The following C1orf21 variants were observed in gnomAD, a reference collection of about 807,000 sequenced individuals.
C1orf21 encodes the protein uncharacterized protein C1orf21.
A neutral mutation model predicts 18.7 loss-of-function variants in C1orf21; 3 were observed. The observed-to-expected ratio is 0.16, with a 90% CI of 0.07 to 0.42. C1orf21 has a LOEUF of 0.42. C1orf21 is among the 10% of genes least tolerant of loss of function. The pLI, the probability that C1orf21 is intolerant of heterozygous loss-of-function variation, is 0.99. For synonymous variants in C1orf21, 41 were observed against 46.4 expected (o/e 0.88, Z 0.47); for missense variants, 104 against 143.6 (o/e 0.72, Z 1.41).
intron 2 of C1orf21, among the ~76,000 whole-genome samples, chr1:184,488,118 T>C (rs1391974517): frequency 8.5e-5 from 13 of 152,232 alleles, no homozygotes; most frequent in Admixed American, 3.9e-4. Context: ...GTAATACTTA[T>C]CTCTTTTAGA....
At chr1:184,450,986 T>A (rs566627027) in intron 1 of C1orf21, among the ~76,000 whole-genome samples, 6 of 152,338 alleles carry the variant, frequency 3.9e-5, no homozygotes, top group African/African-American at 1.4e-4. Flanking sequence ...CAAGCGATTC[T>A]CCAACCTTAG....
chr1:184,549,693 G>A (rs1658786193), intron 3 of C1orf21, among the ~76,000 whole-genome samples: 1 of 151,822 alleles, frequency 6.6e-6, no homozygotes, highest in South Asian at 2.1e-4. Context: ...CTGCCAACCA[G>A]GCAGTTCTGG....
chr1:184,451,768 A>G (rs1006484413), intron 1 of C1orf21, among the ~76,000 whole-genome samples: 21 of 152,150 alleles, frequency 1.4e-4, no homozygotes, highest in Non-Finnish European at 2.9e-4. Context: ...TTTTCTCCCA[A>G]ATGAGCATAT....
intron 2 of C1orf21, among the ~76,000 whole-genome samples, chr1:184,501,466 A>T (rs533280486): frequency 6.6e-6 from 1 of 152,150 alleles, no homozygotes; most frequent in African/African-American, 2.4e-5. Context: ...AACCTTGATT[A>T]GGGGTCTCTT....
chr1:184,423,390 A>G (rs1450188066), intron 1 of C1orf21, among the ~76,000 whole-genome samples: 1 of 152,200 alleles, frequency 6.6e-6, no homozygotes, highest in Non-Finnish European at 1.5e-5. Flanking sequence ...TGGGTTTTGA[A>G]AAATGAATAA....
At chr1:184,401,985 A>G (rs1291056848) in intron 1 of C1orf21, among the ~76,000 whole-genome samples, 1 of 152,182 alleles carries the variant, frequency 6.6e-6, no homozygotes, top group East Asian at 1.9e-4. Flanking sequence ...TTTTCATCAT[A>G]AATGCTTGAT....
intron 1 of C1orf21, among the ~76,000 whole-genome samples, chr1:184,418,613 T>C (rs958560494): frequency 6.6e-6 from 1 of 152,240 alleles, no homozygotes; most frequent in East Asian, 1.9e-4. Context: ...GCTCTCACAC[T>C]ACTCCTCAGA....
chr1:184,519,248 G>A (rs1050346116), intron 3 of C1orf21, among the ~76,000 whole-genome samples: 1 of 152,136 alleles, frequency 6.6e-6, no homozygotes, highest in African/African-American at 2.4e-5. Context: ...AAAAGTGGTT[G>A]AACAGATTTA....
chr1:184,411,683 A>T (rs753084549), intron 1 of C1orf21, among the ~76,000 whole-genome samples: 1 of 152,108 alleles, frequency 6.6e-6, no homozygotes, highest in Non-Finnish European at 1.5e-5. Flanking sequence ...TGGCCTCCCA[A>T]AGTGCTGGGA....
chr1:184,501,378 G>A (rs754257013), intron 2 of C1orf21, among the ~76,000 whole-genome samples: 2 of 152,032 alleles, frequency 1.3e-5, no homozygotes, highest in Non-Finnish European at 2.9e-5. Flanking sequence ...CCCCTTGCCC[G>A]AAAGCTCCTT....
intron 1 of C1orf21, chr1:184,412,459 A>T (rs1656370375): frequency 6.6e-6 from 1 of 152,242 alleles, no homozygotes; most frequent in African/African-American, 2.4e-5. Context: ...TGGTGTATGG[A>T]TCAAACAGAT....
At chr1:184,388,691 A>G (rs1655925155) in intron 1 of C1orf21, among the ~76,000 whole-genome samples, 7 of 151,806 alleles carry the variant, frequency 4.6e-5, no homozygotes, top group Admixed American at 4.6e-4. Flanking sequence ...CATTACACAG[A>G]CAGATGTAAT....
chr1:184,619,380 CT>C, intron 5 of C1orf21, 137 bp from the exon 6 acceptor site: 2 of 853,838 alleles, frequency 2.3e-6, no homozygotes, highest in Non-Finnish European at 3.7e-6. Context: ...GTAGCTACCC[CT>C]GTGCCAGCTA....
chr1:184,421,913 A>C (rs560537422), intron 1 of C1orf21, among the ~76,000 whole-genome samples: 1 of 152,350 alleles, frequency 6.6e-6, no homozygotes, highest in South Asian at 2.1e-4. Flanking sequence ...CCGCTTCCCC[A>C]TGAGTGCAAG....
intron 1 of C1orf21, among the ~76,000 whole-genome samples, chr1:184,407,684 T>C (rs575815732): frequency 1.3e-5 from 2 of 152,276 alleles, no homozygotes; most frequent in African/African-American, 4.8e-5. Context: ...CTTTGAAGCA[T>C]CATGACTTTT....
At chr1:184,583,095 T>G (rs1414526230) in intron 3 of C1orf21, among the ~76,000 whole-genome samples, 1 of 152,178 alleles carries the variant, frequency 6.6e-6, no homozygotes, top group East Asian at 1.9e-4. Flanking sequence ...CGCCTCGGCC[T>G]CCCAGAGTGC....
chr1:184,506,773 T>C (rs146544423), intron 2 of C1orf21, among the ~76,000 whole-genome samples: 250 of 152,274 alleles, frequency 1.6e-3, no homozygotes, highest in African/African-American at 5.9e-3. Context: ...GAACTGAAGC[T>C]GCAAGTTTTC....
intron 3 of C1orf21, among the ~76,000 whole-genome samples, chr1:184,509,227 A>G (rs1242127602): frequency 6.6e-6 from 1 of 152,146 alleles, no homozygotes; most frequent in Non-Finnish European, 1.5e-5. Flanking sequence ...TCATCATCAT[A>G]TTTAGGACCA....
chr1:184,400,442 C>T (rs1459849094), intron 1 of C1orf21, among the ~76,000 whole-genome samples: 1 of 152,036 alleles, frequency 6.6e-6, no homozygotes, highest in Non-Finnish European at 1.5e-5. Flanking sequence ...TGTATATATG[C>T]ATGTTTACAT....
Sources: gnomAD v4.1 joint callset for allele counts (sites outside exome capture counted in the v4.1 genomes callset) on GRCh38, gnomAD v4.1.1 for gene constraint, MANE v1.5 for transcripts, NCBI Gene and HGNC (gene_info 2026-07-23, HGNC 2026-07-21) for gene names.